ROBO2: variants seen among roughly 807,000 people sequenced by gnomAD.
ROBO2 encodes the protein roundabout guidance receptor 2, also known as roundabout homolog 2.
In ROBO2, 53 loss-of-function variants were observed where a neutral mutation model predicts 160.8. That is an observed-to-expected ratio of 0.33 (90% CI 0.26 to 0.41). The LOEUF (loss-of-function observed/expected upper bound fraction) is 0.41, where lower values mean the gene tolerates loss of function less well. Among genes scored for constraint, ROBO2 ranks in the 10% least tolerant of loss-of-function variants. ROBO2 has a pLI of 1.00. For synonymous variants in ROBO2, 664 were observed against 611.7 expected, an observed-to-expected ratio of 1.09 and a Z score of -1.26; for missense variants, 1,577 against 1,722.4, an observed-to-expected ratio of 0.92 and a Z score of 1.49.
intron 2 of ROBO2, among the ~76,000 whole-genome samples, chr3:76,327,449 A>G (rs1360409982): frequency 6.6e-6 from 1 of 152,204 alleles, no homozygotes; most frequent in Non-Finnish European, 1.5e-5. Flanking sequence ...TTTGATAATG[A>G]CAGATTATTA....
At chr3:77,106,528 A>G (rs1321589376) in intron 2 of ROBO2, among the ~76,000 whole-genome samples, 4 of 152,184 alleles carry the variant, frequency 2.6e-5, no homozygotes, top group Admixed American at 6.5e-5. Context: ...CTTTAGATCT[A>G]TAATTACTTA....
At chr3:77,245,279 T>C (rs1198645854) in intron 2 of ROBO2, among the ~76,000 whole-genome samples, 2 of 152,062 alleles carry the variant, frequency 1.3e-5, no homozygotes, top group Admixed American at 1.3e-4. Context: ...TCATGGGGGG[T>C]GGCTCAAATT....
At chr3:77,615,728 A>G (rs547094043) in intron 21 of ROBO2, among the ~76,000 whole-genome samples, 17 of 152,322 alleles carry the variant, frequency 1.1e-4, no homozygotes, top group Admixed American at 6.5e-4. Flanking sequence ...TTATTTATCC[A>G]TCTACCTACT....
intron 2 of ROBO2, among the ~76,000 whole-genome samples, chr3:76,857,517 TTG>T (rs1227917720): frequency 6.6e-6 from 1 of 152,138 alleles, no homozygotes; most frequent in Non-Finnish European, 1.5e-5. Flanking sequence ...ACATACCGAT[TTG>T]TGTGTTTTTT....
intron 2 of ROBO2, among the ~76,000 whole-genome samples, chr3:75,954,448 A>AC (rs1433388945): frequency 1.3e-5 from 2 of 151,660 alleles, no homozygotes; most frequent in Non-Finnish European, 2.9e-5. Context: ...AAAACCACCT[A>AC]CCCCTTCAAC....
chr3:77,015,278 TAGC>T (rs1351579486), intron 2 of ROBO2, among the ~76,000 whole-genome samples: 1 of 152,238 alleles, frequency 6.6e-6, no homozygotes, highest in Non-Finnish European at 1.5e-5. Flanking sequence ...GGGTTGTTAT[TAGC>T]GGTGTCACTT....
At chr3:76,449,855 T>C (rs1287182677) in intron 2 of ROBO2, among the ~76,000 whole-genome samples, 1 of 152,138 alleles carries the variant, frequency 6.6e-6, no homozygotes, top group African/African-American at 2.4e-5. Flanking sequence ...TTGCATATAT[T>C]GGATATTTAC....
intron 1 of ROBO2, among the ~76,000 whole-genome samples, chr3:75,930,197 T>C (rs1376422520): frequency 2.0e-5 from 3 of 152,186 alleles, no homozygotes; most frequent in African/African-American, 7.2e-5. Flanking sequence ...TATAAGGGTA[T>C]GTGCCACCAG....
chr3:76,591,163 G>A (rs2108826458), intron 2 of ROBO2, among the ~76,000 whole-genome samples: 1 of 152,130 alleles, frequency 6.6e-6, no homozygotes, highest in East Asian at 1.9e-4. Context: ...ATTTTGTATG[G>A]TATATGTGTT....
intron 2 of ROBO2, among the ~76,000 whole-genome samples, chr3:76,568,154 C>T (rs2084719112): frequency 1.3e-5 from 2 of 151,876 alleles, no homozygotes; most frequent in South Asian, 4.2e-4. Flanking sequence ...GGGGTGCCTG[C>T]ATAGTATTCA....
chr3:77,430,117 G>A (rs2078626938), intron 2 of ROBO2, among the ~76,000 whole-genome samples: 1 of 152,138 alleles, frequency 6.6e-6, no homozygotes, highest in South Asian at 2.1e-4. Context: ...CTGTGGAGAA[G>A]GGAGGACTTC....
intron 2 of ROBO2, among the ~76,000 whole-genome samples, chr3:75,977,149 CA>C (rs2065154447): frequency 6.6e-6 from 1 of 151,462 alleles, no homozygotes; most frequent in Non-Finnish European, 1.5e-5. Flanking sequence ...TGCTAATTAA[CA>C]ACAGATCAAA....
chr3:76,455,968 T>A (rs1252168357), intron 2 of ROBO2, among the ~76,000 whole-genome samples: 1 of 152,190 alleles, frequency 6.6e-6, no homozygotes. Flanking sequence ...TTTTTCAGCT[T>A]GACTCTATGA....
At chr3:76,035,473 G>C (rs2067075806) in intron 2 of ROBO2, among the ~76,000 whole-genome samples, 1 of 151,846 alleles carries the variant, frequency 6.6e-6, no homozygotes, top group Admixed American at 6.6e-5. Context: ...AGGTGACTGT[G>C]ATCAGTCTGA....
chr3:76,712,441 G>A (rs1447102301), intron 2 of ROBO2, among the ~76,000 whole-genome samples: 4 of 152,096 alleles, frequency 2.6e-5, no homozygotes, highest in African/African-American at 9.7e-5. Context: ...TTGGGAGGCC[G>A]AGGTGGGCGG....
At chr3:76,592,144 A>G (rs1455109826) in intron 2 of ROBO2, among the ~76,000 whole-genome samples, 1 of 152,122 alleles carries the variant, frequency 6.6e-6, no homozygotes, top group East Asian at 1.9e-4. Context: ...TGTGTACTTT[A>G]AATAACTTTC....
chr3:77,631,748 A>T (rs2095168126), intron 23 of ROBO2: 1 of 152,108 alleles, frequency 6.6e-6, no homozygotes, highest in Non-Finnish European at 1.5e-5. Flanking sequence ...TGCAGAAAAA[A>T]TTCATATTAA....
At chr3:77,216,539 C>T (rs779765970) in intron 2 of ROBO2, among the ~76,000 whole-genome samples, 4 of 152,194 alleles carry the variant, frequency 2.6e-5, no homozygotes, top group Non-Finnish European at 5.9e-5. Context: ...GAGGCGATGC[C>T]TCGCCCTGCT....
intron 2 of ROBO2, among the ~76,000 whole-genome samples, chr3:77,190,741 A>G (rs1024173748): frequency 7.9e-5 from 12 of 152,020 alleles, no homozygotes; most frequent in African/African-American, 2.7e-4. Flanking sequence ...AGTTTTATTT[A>G]GTGCCTGGAC....
Sources: allele counts gnomAD v4.1 joint callset (sites outside exome capture counted in the v4.1 genomes callset), GRCh38; gene constraint gnomAD v4.1.1; transcripts MANE v1.5; gene names NCBI Gene and HGNC (gene_info 2026-07-23, HGNC 2026-07-21).